The following FBXW4 variants were observed in gnomAD, a reference collection of about 807,000 sequenced individuals.
FBXW4 encodes the protein F-box/WD repeat-containing protein 4.
Under a neutral mutation model 61.8 loss-of-function variants are expected in FBXW4, and 40 were observed. The observed-to-expected ratio is 0.65, with a 90% confidence interval of 0.50 to 0.84. The LOEUF is 0.84. Among genes scored for constraint, FBXW4 ranks in the 40% least tolerant of loss-of-function variants. The pLI is 0.00. For synonymous variants in FBXW4, 311 were observed against 313.8 expected (o/e 0.99, Z 0.10); for missense variants, 672 against 753.8 (o/e 0.89, Z 1.27).
chr10:101,657,095 C>T (rs12241580), intron 5 of FBXW4, among the ~76,000 whole-genome samples: 4,005 of 152,212 alleles, frequency 0.026, 179 homozygotes, highest in African/African-American at 0.088. Context: ...ATCCTCCCGC[C>T]CTTGTCAGCA....
At chr10:101,659,793 C>T (rs2064225533) in intron 5 of FBXW4, among the ~76,000 whole-genome samples, 2 of 152,162 alleles carry the variant, frequency 1.3e-5, no homozygotes, top group African/African-American at 4.8e-5. Flanking sequence ...GTATGGTATG[C>T]ATACACATAT....
intron 5 of FBXW4, among the ~76,000 whole-genome samples, chr10:101,653,473 C>T (rs1036647999): frequency 4.6e-5 from 7 of 152,214 alleles, no homozygotes. Flanking sequence ...ACTCCCAAAC[C>T]TACCTTTAGC....
chr10:101,668,042 G>A (rs1209960718), intron 4 of FBXW4, 62 bp from the exon 5 acceptor site: 2 of 1,284,734 alleles, frequency 1.6e-6, no homozygotes, highest in African/African-American at 2.9e-5. Flanking sequence ...GAGGAGAGGT[G>A]CTCCGGGAGA....
intron 5 of FBXW4, chr10:101,660,095 C>T (rs946864707): frequency 1.0e-6 from 1 of 985,266 alleles, no homozygotes; most frequent in African/African-American, 1.7e-5. Flanking sequence ...CGGGAGGGGT[C>T]GGAGTCAGAT....
intron 5 of FBXW4, among the ~76,000 whole-genome samples, chr10:101,643,390 T>C (rs2064070142): frequency 6.6e-6 from 1 of 152,206 alleles, no homozygotes; most frequent in South Asian, 2.1e-4. Flanking sequence ...AGTCACAGCC[T>C]TGGGAAGAGG....
At chr10:101,626,636 T>G (rs1399056641) in intron 5 of FBXW4, 1 of 152,256 alleles carries the variant, frequency 6.6e-6, no homozygotes, top group Non-Finnish European at 1.5e-5. Context: ...ACTACGGGCA[T>G]GCACCACCAC....
chr10:101,666,864 C>G (rs1394748779), intron 5 of FBXW4, among the ~76,000 whole-genome samples: 1 of 151,802 alleles, frequency 6.6e-6, no homozygotes, highest in Non-Finnish European at 1.5e-5. Flanking sequence ...TGAAACCAGC[C>G]TGGTCAATAT....
At chr10:101,690,557 T>TA (rs1167812327) in intron 1 of FBXW4, among the ~76,000 whole-genome samples, 2 of 152,330 alleles carry the variant, frequency 1.3e-5, no homozygotes, top group African/African-American at 2.4e-5. Flanking sequence ...TTTGTGGTTT[T>TA]AAAGTGGCCA....
intron 1 of FBXW4, among the ~76,000 whole-genome samples, chr10:101,682,682 G>C (rs1348161301): frequency 6.6e-6 from 1 of 151,920 alleles, no homozygotes; most frequent in African/African-American, 2.4e-5. Context: ...ACTTTACTAG[G>C]GGTCAAAATA....
intron 4 of FBXW4, among the ~76,000 whole-genome samples, chr10:101,672,670 C>A (rs935215283): frequency 6.6e-6 from 1 of 152,140 alleles, no homozygotes; most frequent in African/African-American, 2.4e-5. Context: ...TTTGAGTTCA[C>A]GCCACATTGC....
intron 1 of FBXW4, among the ~76,000 whole-genome samples, chr10:101,692,976 A>G (rs1264989758): frequency 3.3e-5 from 5 of 152,218 alleles, no homozygotes; most frequent in African/African-American, 4.8e-5. Flanking sequence ...TAAGACCCAC[A>G]AAGATTCCAA....
intron 6 of FBXW4, among the ~76,000 whole-genome samples, chr10:101,617,835 A>C (rs1282136019): frequency 6.6e-6 from 1 of 152,270 alleles, no homozygotes; most frequent in African/African-American, 2.4e-5. Flanking sequence ...CAAGAAAGAA[A>C]AAGTTAAGGG....
rs372905244 is a variant in FBXW4, at chr10:101,611,736, G to A, written c.1476C>T (p.Asp492=). ...CTGTCTGCAGGCAGTACAGGGTGCT[G>A]TCGTGGGGCTCCTCCCACTCCATGA... The part of the protein sequence containing the change: ...KCVMEWEEPH[D]STLYCLQTDG... Residue 492 remains aspartate, a synonymous_variant, in exon 8 of 9, where the codon GAC becomes GAT. Transcript: ENST00000331272. This position sits in a 1 kb window ranked among gnomAD's most constrained non-coding sequence, Gnocchi z 4.9. 17 of 1,614,136 alleles carry A rather than the reference G, an allele frequency of 1.1e-5. No individual in the cohort carries two copies. In the African/African-American group the frequency reaches 1.1e-4, roughly 10 times the overall value.
rs1589733776 is a variant in FBXW4, at chr10:101,611,493, G to A, written c.1585-83C>T. 4 of 1,571,746 alleles carry A rather than the reference G, an allele frequency of 2.5e-6. No homozygotes were observed. The highest frequency in any genetic ancestry group is 3.5e-6 in the Non-Finnish European group (4 of 1,155,570). ...CTAACCCAGGATCCCCAGGCCCAGG[G>A]GAAGAGGGACGTGTGCCATTGTAGG... On this transcript the variant is annotated intron_variant, in intron 8 of 8. Coordinates refer to ENST00000331272, the MANE Select transcript of FBXW4 (RefSeq NM_022039.4). This position sits in a 1 kb window ranked among gnomAD's most constrained non-coding sequence, Gnocchi z 4.9.
At chr10:101,620,949 G>A (rs959496433) in intron 6 of FBXW4, among the ~76,000 whole-genome samples, 5 of 152,108 alleles carry the variant, frequency 3.3e-5, no homozygotes, top group African/African-American at 1.2e-4. Context: ...CTTCACCAAG[G>A]CAACCATAGG....
intron 5 of FBXW4, among the ~76,000 whole-genome samples, chr10:101,661,176 G>A (rs2064239895): frequency 6.6e-6 from 1 of 152,226 alleles, no homozygotes; most frequent in Non-Finnish European, 1.5e-5. Flanking sequence ...TCTACTTGTA[G>A]GGTTTCATGT....
intron 5 of FBXW4, among the ~76,000 whole-genome samples, chr10:101,651,974 T>G (rs1035219996): frequency 6.6e-6 from 1 of 152,090 alleles, no homozygotes; most frequent in Non-Finnish European, 1.5e-5. Context: ...GACCTGCACC[T>G]AATCAAAGAT....
chr10:101,619,274 C>T (rs1226752548), intron 6 of FBXW4, among the ~76,000 whole-genome samples: 1 of 152,174 alleles, frequency 6.6e-6, no homozygotes. Flanking sequence ...TATTCTGGCA[C>T]TTTGAGGTTG....
chr10:101,670,947 T>C (rs1307552260), intron 4 of FBXW4, among the ~76,000 whole-genome samples: 1 of 149,578 alleles, frequency 6.7e-6, no homozygotes, highest in Non-Finnish European at 1.5e-5. Flanking sequence ...CTTTACCCCA[T>C]AAAATAAATC....
Sources: gnomAD v4.1 joint callset for allele counts (sites outside exome capture counted in the v4.1 genomes callset) on GRCh38, gnomAD v4.1.1 for gene constraint, Gnocchi (gnomAD v3.1) non-coding constraint, MANE v1.5 for transcripts, NCBI Gene and HGNC (gene_info 2026-07-23, HGNC 2026-07-21) for gene names.